The following CEP63 variants were observed in gnomAD, a reference collection of about 807,000 sequenced individuals.
CEP63 encodes the protein centrosomal protein of 63 kDa.
A neutral mutation model predicts 89.1 loss-of-function variants in CEP63; 84 were observed. The observed-to-expected ratio is 0.94, with a 90% CI of 0.79 to 1.13. CEP63 has a LOEUF of 1.13. Ranked by LOEUF, CEP63 falls within the 50% of genes most tolerant of loss-of-function variation. The pLI is 0.00. For missense variants in CEP63, 838 were observed against 813.3 expected (o/e 1.03, Z -0.37); for synonymous variants, 267 against 272.5 (o/e 0.98, Z 0.20).
At position 134,531,838 on chromosome 3, in the gene CEP63, C is replaced by T. The variant is rs1559958947; in HGVS notation, c.223-7C>T. 1 of 1,606,974 alleles carries T rather than the reference C, an allele frequency of 6.2e-7. No homozygotes were observed. ...AGTGAAAAATACTACCACCTTTCTG[C>T]TTTTAGGTTGGAATGTTGCATCAGC... On this transcript the variant is annotated splice_polypyrimidine_tract_variant and splice_region_variant and intron_variant, in intron 3 of 14. Coordinates refer to ENST00000675561, the MANE Select transcript of CEP63 (RefSeq NM_001353108.3).
the CEP63 span, among the ~76,000 whole-genome samples, chr3:134,675,483 C>T: frequency 6.6e-6 from 1 of 152,032 alleles, no homozygotes; most frequent in Non-Finnish European, 1.5e-5. Flanking sequence ...AACCATTTCC[C>T]AGATATAACA....
chr3:134,764,897 C>T, the CEP63 span, among the ~76,000 whole-genome samples: 8 of 152,174 alleles, frequency 5.3e-5, no homozygotes, highest in Admixed American at 5.2e-4. Flanking sequence ...GCAGTTTTCA[C>T]GTATCATTGA....
the CEP63 span, among the ~76,000 whole-genome samples, chr3:134,618,536 C>A: frequency 1.5e-5 from 2 of 134,800 alleles, no homozygotes; most frequent in East Asian, 2.7e-4. Context: ...ATCCCCTCCC[C>A]CCACCCCACA....
chr3:134,725,113 G>A, the CEP63 span, among the ~76,000 whole-genome samples: 1 of 151,952 alleles, frequency 6.6e-6, no homozygotes, highest in East Asian at 1.9e-4. Context: ...CATTATAGAG[G>A]CATGTCAGGC....
chr3:134,745,693 C>G, the CEP63 span, among the ~76,000 whole-genome samples: 1 of 151,990 alleles, frequency 6.6e-6, no homozygotes, highest in Non-Finnish European at 1.5e-5. Context: ...AGCCCCCCAC[C>G]CCATGACAGG....
chr3:134,532,053 A>G (rs77413874), intron 4 of CEP63, 113 bp downstream of exon 4: 6,873 of 674,504 alleles, frequency 0.01, 238 homozygotes, highest in South Asian at 0.069. Flanking sequence ...TACATACTCC[A>G]TCAAAGATAC....
intron 6 of CEP63, among the ~76,000 whole-genome samples, chr3:134,538,559 A>ATATG (rs1244520250): frequency 3.3e-5 from 4 of 120,706 alleles, no homozygotes; most frequent in South Asian, 2.6e-4. Flanking sequence ...ATATATGTAT[A>ATATG]TATATATTTT....
the CEP63 span, among the ~76,000 whole-genome samples, chr3:134,701,267 CATATACACACAT>C: frequency 9.9e-5 from 4 of 40,480 alleles, no homozygotes. Context: ...CACATATATA[CATATACACACAT>C]ATATACGTAT....
chr3:134,654,678 C>T, the CEP63 span, among the ~76,000 whole-genome samples: 1 of 152,188 alleles, frequency 6.6e-6, no homozygotes, highest in African/African-American at 2.4e-5. Flanking sequence ...TTTGCTATTG[C>T]TATGATTTCT....
chr3:134,654,295 C>T, the CEP63 span, among the ~76,000 whole-genome samples: 2 of 152,106 alleles, frequency 1.3e-5, no homozygotes, highest in Non-Finnish European at 2.9e-5. Context: ...GTGTTTTGAC[C>T]CCCACTGTTT....
chr3:134,711,199 C>T, the CEP63 span, among the ~76,000 whole-genome samples: 16 of 152,314 alleles, frequency 1.1e-4, no homozygotes, highest in Admixed American at 5.9e-4. Context: ...TACTGTTCTA[C>T]AGTTACATTT....
chr3:134,650,845 G>C, the CEP63 span: 1 of 1,605,944 alleles, frequency 6.2e-7, no homozygotes, highest in South Asian at 1.1e-5. Flanking sequence ...CTGCAGCAGC[G>C]AGCTCGGGTT....
chr3:134,591,873 C>A (rs1050447034), downstream of CEP63, among the ~76,000 whole-genome samples: 1 of 139,994 alleles, frequency 7.1e-6, no homozygotes, highest in South Asian at 2.4e-4. Flanking sequence ...AGAGCCAGAG[C>A]CAGACCCTGT....
the CEP63 span, among the ~76,000 whole-genome samples, chr3:134,747,812 G>T: frequency 6.6e-6 from 1 of 152,148 alleles, no homozygotes; most frequent in South Asian, 2.1e-4. Flanking sequence ...TTGAGACGGA[G>T]TCTCACTCTG....
chr3:134,744,526 C>T, the CEP63 span, among the ~76,000 whole-genome samples: 5 of 152,138 alleles, frequency 3.3e-5, no homozygotes, highest in Admixed American at 1.3e-4. Flanking sequence ...CAAAGCATAG[C>T]ATTGGGAAGG....
At chr3:134,668,020 C>T in the CEP63 span, among the ~76,000 whole-genome samples, 1 of 152,218 alleles carries the variant, frequency 6.6e-6, no homozygotes, top group South Asian at 2.1e-4. Context: ...TGTATCTGCC[C>T]TGGTGACACG....
the CEP63 span, among the ~76,000 whole-genome samples, chr3:134,722,967 A>G: frequency 1.3e-5 from 2 of 152,188 alleles, no homozygotes; most frequent in African/African-American, 2.4e-5. Flanking sequence ...ATGGACAACT[A>G]TCTATTAGTC....
At chr3:134,582,548 A>G (rs1399415306) in intron 10 of CEP63, among the ~76,000 whole-genome samples, 5 of 152,210 alleles carry the variant, frequency 3.3e-5, no homozygotes, top group African/African-American at 1.2e-4. Context: ...CATGGTGTAC[A>G]TGTCCCACAT....
intron 3 of CEP63, among the ~76,000 whole-genome samples, chr3:134,521,501 T>C (rs1300926443): frequency 6.6e-6 from 1 of 152,240 alleles, no homozygotes; most frequent in African/African-American, 2.4e-5. Context: ...GCATGTTTGC[T>C]TTCTGCTTTA....
Sources: allele counts gnomAD v4.1 joint callset (sites outside exome capture counted in the v4.1 genomes callset), GRCh38; gene constraint gnomAD v4.1.1; transcripts MANE v1.5; gene names NCBI Gene and HGNC (gene_info 2026-07-23, HGNC 2026-07-21).